TMEM108: variants seen among roughly 807,000 people sequenced by gnomAD.
TMEM108 encodes cancer/testis antigen 124.
A neutral mutation model predicts 35.1 loss-of-function variants in TMEM108; 12 were observed. The ratio of observed to expected loss-of-function variants is 0.34; its 90% CI spans 0.22 to 0.55. The LOEUF is 0.55. Among genes scored for constraint, TMEM108 ranks in the 20% least tolerant of loss-of-function variants. The probability of loss-of-function intolerance (pLI) is 0.89; values close to 1 mark genes in which losing one functional copy is unlikely to be tolerated. For synonymous variants in TMEM108, 287 were observed against 308.6 expected (o/e 0.93, Z 0.73); for missense variants, 680 against 753.3 (o/e 0.90, Z 1.14).
intron 2 of TMEM108, among the ~76,000 whole-genome samples, chr3:133,215,950 C>G (rs1280226683): frequency 6.6e-6 from 1 of 152,028 alleles, no homozygotes; most frequent in East Asian, 1.9e-4. Flanking sequence ...TTTATCAATC[C>G]TAAATTTTCA....
intron 2 of TMEM108, among the ~76,000 whole-genome samples, chr3:133,099,499 G>C (rs1944059155): frequency 1.3e-5 from 2 of 152,114 alleles, no homozygotes; most frequent in African/African-American, 4.8e-5. Context: ...AAAAAAATGG[G>C]TTTTTCTTTT....
rs191537821 is a variant in TMEM108, at chr3:133,364,941, G to A, written c.41-14811G>A. 2.4e-4 allele frequency among the ~76,000 whole-genome samples: 37 copies of A among 152,314 alleles called. No individual in the cohort carries two copies. The East Asian group carries it at 6.9e-3, about 29-fold the overall frequency. On this transcript the variant is annotated intron_variant, in intron 3 of 5. Coordinates refer to ENST00000321871, the MANE Select transcript of TMEM108 (RefSeq NM_023943.4). ...ACGCCAAGTCCTTACCCAACCCTAC[G>A]GAGAACTCCAGAGCTGGGATGGCTC...
intron 2 of TMEM108, among the ~76,000 whole-genome samples, chr3:133,221,151 A>G (rs183531278): frequency 6.6e-6 from 1 of 152,242 alleles, no homozygotes; most frequent in East Asian, 1.9e-4. Context: ...CATAGGCATG[A>G]TTGATTAATT....
At chr3:133,326,107 G>GT (rs1559905386) in intron 3 of TMEM108, among the ~76,000 whole-genome samples, 1 of 152,072 alleles carries the variant, frequency 6.6e-6, no homozygotes, top group African/African-American at 2.4e-5. Flanking sequence ...ACAACAAAAA[G>GT]TAAAACAAAA....
In TMEM108 at chr3:133,149,558, C is replaced by T. The variant is rs548038002; in HGVS notation, c.-46-79708C>T. Among the ~76,000 whole-genome samples, 11 of 152,314 alleles carry T rather than the reference C, an allele frequency of 7.2e-5. No homozygotes were observed. The South Asian group carries it at 2.3e-3, about 32-fold the overall frequency. On this transcript the variant is annotated intron_variant, in intron 2 of 5. Coordinates refer to ENST00000321871, the MANE Select transcript of TMEM108 (RefSeq NM_023943.4). The stretch of plus-strand genomic sequence containing the variant: ...CTCTACTCTGTTTCTATGAGTTCAA[C>T]TGCTTTAGACTCCACATGTAAGTGA...
chr3:133,098,158 A>G (rs1027719495), intron 2 of TMEM108, among the ~76,000 whole-genome samples: 4 of 152,198 alleles, frequency 2.6e-5, no homozygotes, highest in Non-Finnish European at 5.9e-5. Context: ...ACAGTTTCAC[A>G]TGGCTGGGGA....
At chr3:133,263,401 C>A (rs1946652776) in intron 3 of TMEM108, among the ~76,000 whole-genome samples, 1 of 152,182 alleles carries the variant, frequency 6.6e-6, no homozygotes, top group African/African-American at 2.4e-5. Context: ...TCTATTCTAT[C>A]CTGATCACAA....
intron 3 of TMEM108, among the ~76,000 whole-genome samples, chr3:133,343,417 T>C (rs1301607431): frequency 6.6e-6 from 1 of 151,926 alleles, no homozygotes; most frequent in Non-Finnish European, 1.5e-5. Context: ...TGCATGTGAA[T>C]GTTTAATAGC....
chr3:133,214,362 T>G (rs1945875908), intron 2 of TMEM108, among the ~76,000 whole-genome samples: 2 of 152,150 alleles, frequency 1.3e-5, no homozygotes, highest in African/African-American at 4.8e-5. Flanking sequence ...CACAAATCTG[T>G]GATGTTAGTC....
intron 2 of TMEM108, among the ~76,000 whole-genome samples, chr3:133,100,219 G>A (rs1944070181): frequency 6.6e-6 from 1 of 152,194 alleles, no homozygotes. Flanking sequence ...CATGAGAATA[G>A]CAGGGGAAAG....
intron 2 of TMEM108, among the ~76,000 whole-genome samples, chr3:133,111,547 T>A (rs1256705936): frequency 6.6e-6 from 1 of 152,190 alleles, no homozygotes; most frequent in Non-Finnish European, 1.5e-5. Flanking sequence ...AGTGAAGTCC[T>A]CAGATGTGTG....
At chr3:133,240,615 A>G (rs77091804) in intron 3 of TMEM108, among the ~76,000 whole-genome samples, 5,690 of 152,292 alleles carry the variant, frequency 0.037, 349 homozygotes, top group African/African-American at 0.13. Context: ...TTTCTATAGG[A>G]AAGTATTTTT....
intron 2 of TMEM108, among the ~76,000 whole-genome samples, chr3:133,172,495 T>G (rs1945144743): frequency 6.6e-6 from 1 of 152,240 alleles, no homozygotes; most frequent in African/African-American, 2.4e-5. Flanking sequence ...TAAATTACTT[T>G]CATTATGGTT....
chr3:133,340,684 A>G (rs918173486), intron 3 of TMEM108, among the ~76,000 whole-genome samples: 2 of 151,914 alleles, frequency 1.3e-5, no homozygotes, highest in African/African-American at 4.8e-5. Flanking sequence ...ATAGAATATT[A>G]GCAAACTGAA....
At chr3:133,221,660 C>CTT (rs3078806) in intron 2 of TMEM108, among the ~76,000 whole-genome samples, 796 of 60,216 alleles carry the variant, frequency 0.013, 1 homozygote, top group Non-Finnish European at 0.016. Flanking sequence ...ACATTGATTC[C>CTT]TTTTTTTTTT....
chr3:133,379,243 A>G (rs1039175282), intron 3 of TMEM108, among the ~76,000 whole-genome samples: 5 of 152,180 alleles, frequency 3.3e-5, no homozygotes, highest in Non-Finnish European at 7.3e-5. Flanking sequence ...TAGTTTATAA[A>G]TGGAAGATTC....
intron 2 of TMEM108, among the ~76,000 whole-genome samples, chr3:133,066,539 C>T (rs543674492): frequency 5.3e-5 from 8 of 152,094 alleles, no homozygotes; most frequent in Admixed American, 5.2e-4. Context: ...ATATATGAAG[C>T]GTTGGGCATC....
At chr3:133,246,499 G>GGGGAT (rs1228903795) in intron 3 of TMEM108, 1 of 151,608 alleles carries the variant, frequency 6.6e-6, no homozygotes, top group Admixed American at 6.6e-5. Context: ...AGCAAAGTTA[G>GGGGAT]GGGATTCTCA....
intron 2 of TMEM108, among the ~76,000 whole-genome samples, chr3:133,069,819 C>T (rs2107688498): frequency 6.6e-6 from 1 of 152,294 alleles, no homozygotes; most frequent in South Asian, 2.1e-4. Context: ...TCACCTCACT[C>T]TTACGCTTCC....
Sources: allele counts gnomAD v4.1 joint callset (sites outside exome capture counted in the v4.1 genomes callset), GRCh38; gene constraint gnomAD v4.1.1; transcripts MANE v1.5; gene names NCBI Gene and HGNC (gene_info 2026-07-23, HGNC 2026-07-21).